The following REC114 variants were observed in gnomAD, a reference collection of about 807,000 sequenced individuals.
The protein encoded by REC114 is REC114 meiotic recombination protein, also known as meiotic recombination protein REC114.
Under a neutral mutation model 31.3 loss-of-function variants are expected in REC114, and 27 were observed. The observed-to-expected ratio is 0.86, with a 90% CI of 0.64 to 1.19. The LOEUF (loss-of-function observed/expected upper bound fraction) is 1.19, where lower values mean the gene tolerates loss of function less well. Ranked by LOEUF, REC114 falls within the 50% of genes most tolerant of loss-of-function variation. The pLI is 0.00. For synonymous variants in REC114, 134 were observed against 127.7 expected, an observed-to-expected ratio of 1.05 and a Z score of -0.33; for missense variants, 344 against 326.9, an observed-to-expected ratio of 1.05 and a Z score of -0.40.
At chr15:73,508,998 TAGATCCCTGAGGA>T (rs1893724167) in intron 2 of REC114, among the ~76,000 whole-genome samples, 1 of 150,734 alleles carries the variant, frequency 6.6e-6, no homozygotes, top group Admixed American at 6.6e-5. Flanking sequence ...TTTCTAGTTC[TAGATCCCTGAGGA>T]ATCGCCACAC....
Position 73,478,178 on chromosome 15 carries a change from T to A in REC114, c.249+4257T>A, listed in dbSNP as rs1400383085. Among the ~76,000 whole-genome samples the A allele has an allele frequency of 2.0e-5, 3 of 147,236 alleles. No individual in the cohort carries two copies. The East Asian group carries it at 6.0e-4, about 30-fold the overall frequency. On this transcript the variant is annotated intron_variant, in intron 2 of 5. Coordinates refer to ENST00000331090, the MANE Select transcript of REC114 (RefSeq NM_001042367.2). ...ACTCGGGAGGCTGAGGTGGGACAAT[T>A]GCTTGAACCCAGGAGACAGAGGTTG... is the stretch of plus-strand genomic sequence containing the variant.
chr15:73,528,870 T>C (rs549151741), intron 2 of REC114, among the ~76,000 whole-genome samples: 22 of 152,172 alleles, frequency 1.4e-4, no homozygotes, highest in African/African-American at 5.1e-4. Flanking sequence ...AATGGCCTGG[T>C]TTCTTTAACA....
chr15:73,533,774 C>A (rs1169930925), intron 2 of REC114, among the ~76,000 whole-genome samples: 5 of 144,574 alleles, frequency 3.5e-5, no homozygotes. Flanking sequence ...CAAAATTGAC[C>A]ACATACTGGG....
chr15:73,488,893 A>G (rs1031160025), intron 2 of REC114, among the ~76,000 whole-genome samples: 6 of 151,872 alleles, frequency 4.0e-5, no homozygotes, highest in African/African-American at 1.5e-4. Flanking sequence ...CCACTTCCCC[A>G]TTTTCAGGTA....
chr15:73,528,785 C>T (rs1222148381), intron 2 of REC114, among the ~76,000 whole-genome samples: 2 of 152,036 alleles, frequency 1.3e-5, no homozygotes, highest in South Asian at 2.1e-4. Context: ...GGAGTCTGTA[C>T]AATCAAAATG....
chr15:73,493,801 A>C (rs1595869316), intron 2 of REC114, among the ~76,000 whole-genome samples: 1 of 152,368 alleles, frequency 6.6e-6, no homozygotes, highest in Middle Eastern at 3.4e-3. Context: ...GTAGTTATTC[A>C]TCCACCCTTC....
chr15:73,446,107 A>G (rs1892761560), intron 1 of REC114, among the ~76,000 whole-genome samples: 1 of 152,232 alleles, frequency 6.6e-6, no homozygotes, highest in Non-Finnish European at 1.5e-5. Flanking sequence ...TCAATCACCT[A>G]AAATAGTGCC....
At chr15:73,457,270 T>A (rs971540295) in intron 1 of REC114, among the ~76,000 whole-genome samples, 7 of 152,170 alleles carry the variant, frequency 4.6e-5, no homozygotes, top group African/African-American at 1.7e-4. Flanking sequence ...CTGTCCTGTG[T>A]GAGCTCTGGG....
intron 2 of REC114, among the ~76,000 whole-genome samples, chr15:73,504,249 C>T (rs961631911): frequency 6.6e-6 from 1 of 152,052 alleles, no homozygotes; most frequent in African/African-American, 2.4e-5. Context: ...CGTGATCGCC[C>T]TCCTCAGCCT....
intron 2 of REC114, among the ~76,000 whole-genome samples, chr15:73,529,030 A>C (rs2141323716): frequency 6.6e-6 from 1 of 152,254 alleles, no homozygotes; most frequent in East Asian, 1.9e-4. Flanking sequence ...ACAGCAACAA[A>C]GATACTTGAT....
chr15:73,556,282 T>G lies in REC114; in HGVS notation c.547-20T>G, dbSNP rs929764546. On this transcript the variant is annotated intron_variant, in intron 4 of 5. Coordinates refer to ENST00000331090, the MANE Select transcript of REC114 (RefSeq NM_001042367.2). ...GATTACATTCAGCTAGTCTCCTTAT[T>G]GCATGTTGTTTTATTCCAGTCCCAC... 6.9e-6 allele frequency: 11 copies of G among 1,605,368 alleles called. No homozygotes were observed. The highest frequency in any genetic ancestry group is 1.7e-4 in the Middle Eastern group (1 of 6,040).
At chr15:73,535,638 C>A (rs371320222) in intron 2 of REC114, among the ~76,000 whole-genome samples, 171 of 145,498 alleles carry the variant, frequency 1.2e-3, no homozygotes, top group East Asian at 4.0e-3. Context: ...CCCCATCAAG[C>A]TACCAATGAC....
intron 3 of REC114, among the ~76,000 whole-genome samples, chr15:73,545,525 T>A (rs370018610): frequency 1.3e-5 from 2 of 152,190 alleles, no homozygotes; most frequent in South Asian, 2.1e-4. Context: ...TTATCTTGGA[T>A]CCACATGCAT....
At chr15:73,478,214 A>G (rs1269320768) in intron 2 of REC114, among the ~76,000 whole-genome samples, 1 of 142,670 alleles carries the variant, frequency 7.0e-6, no homozygotes, top group South Asian at 2.3e-4. Context: ...CAGTGACCCG[A>G]CACGGTGCCA....
At chr15:73,553,079 T>A (rs1393482731) in intron 4 of REC114, among the ~76,000 whole-genome samples, 1 of 152,214 alleles carries the variant, frequency 6.6e-6, no homozygotes, top group Non-Finnish European at 1.5e-5. Context: ...CCTCCCAAAG[T>A]GCTGGGATTA....
At chr15:73,485,926 T>C (rs1474058307) in intron 2 of REC114, among the ~76,000 whole-genome samples, 1 of 152,216 alleles carries the variant, frequency 6.6e-6, no homozygotes, top group African/African-American at 2.4e-5. Context: ...TTGTGTGTTT[T>C]GTTATTTCTC....
chr15:73,458,973 A>G lies in REC114; in HGVS notation c.160-14859A>G, dbSNP rs376083389. Among the ~76,000 whole-genome samples, 7 of 152,336 alleles carry G rather than the reference A, an allele frequency of 4.6e-5. No individual in the cohort carries two copies. The East Asian group carries it at 1.2e-3, about 25-fold the overall frequency. ...GTTCTCTTCTGATCTAGAGACTGCT[A>G]AGAAATGAAGACTTATTCTTTGAGC... On this transcript the variant is annotated intron_variant, in intron 1 of 5. Coordinates refer to ENST00000331090, the MANE Select transcript of REC114 (RefSeq NM_001042367.2).
chr15:73,461,749 T>C (rs1892989668), intron 1 of REC114, among the ~76,000 whole-genome samples: 2 of 152,064 alleles, frequency 1.3e-5, no homozygotes, highest in African/African-American at 4.8e-5. Context: ...GATGGCAACA[T>C]ACTGCCATAG....
At chr15:73,456,440 A>G (rs965797984) in intron 1 of REC114, among the ~76,000 whole-genome samples, 6 of 152,108 alleles carry the variant, frequency 3.9e-5, no homozygotes, top group African/African-American at 1.2e-4. Context: ...TGAAGTTTGT[A>G]CTTGAAATGA....
Sources: allele counts gnomAD v4.1 joint callset (sites outside exome capture counted in the v4.1 genomes callset), GRCh38; gene constraint gnomAD v4.1.1; transcripts MANE v1.5; gene names NCBI Gene and HGNC (gene_info 2026-07-23, HGNC 2026-07-21).